The following DMD variants were observed in gnomAD, a reference collection of about 807,000 sequenced individuals.
DMD encodes the protein mutant dystrophin.
Under a neutral mutation model 330.1 loss-of-function variants are expected in DMD, and 63 were observed. That is an observed-to-expected ratio of 0.19 (90% confidence interval 0.16 to 0.24). DMD has a LOEUF of 0.24. Ranked by LOEUF, DMD falls within the 10% of genes least tolerant of loss-of-function variation. DMD has a pLI of 1.00. For synonymous variants in DMD, 1,223 were observed against 959.8 expected (o/e 1.27, Z -5.07); for missense variants, 3,344 against 2,684.1 (o/e 1.25, Z -5.43).
chrX:32,600,925 T>C (rs2149288976), intron 12 of DMD, among the ~76,000 whole-genome samples: 1 of 111,537 alleles, frequency 9.0e-6, no homozygotes, highest in African/African-American at 3.3e-5. Flanking sequence ...AATCCCTAGA[T>C]ACTAATGATC....
At chrX:31,693,553 C>T (rs1325655939) in intron 52 of DMD, among the ~76,000 whole-genome samples, 1 of 111,844 alleles carries the variant, frequency 8.9e-6, no homozygotes, top group Non-Finnish European at 1.9e-5. Flanking sequence ...TGTTAGAATT[C>T]ATACACAAGT....
chrX:32,532,423 A>G (rs2047569488), intron 17 of DMD, among the ~76,000 whole-genome samples: 2 of 112,089 alleles, frequency 1.8e-5, no homozygotes, highest in Admixed American at 9.5e-5. Flanking sequence ...ACAACATAGC[A>G]AGGCGAGGAA....
rs201682493 is a variant in DMD at position 32,806,335 on chromosome X, AAC to A, written c.649+3156_649+3157del. The stretch of plus-strand genomic sequence containing the variant: ...TTTAAACTAACAAAGATTTAAAAAA[AAC>A]AAAAAAAGACAAAGAAGGGCATTAC... On this transcript the variant is annotated intron_variant, in intron 7 of 78. Transcript: ENST00000357033. Among the ~76,000 whole-genome samples the A allele has an allele frequency of 2.3e-3, 260 of 111,152 alleles. 1 individual carries two copies. Among genetic ancestry groups the A allele is most frequent in the Middle Eastern group, 4.6e-3 (1 of 216 alleles).
intron 16 of DMD, among the ~76,000 whole-genome samples, chrX:32,561,948 A>AAAG (rs2149072237): frequency 8.9e-6 from 1 of 111,799 alleles, no homozygotes; most frequent in East Asian, 2.8e-4. Flanking sequence ...AGTAAGCTTC[A>AAAG]TAAGTGAAGG....
chrX:32,382,357 A>G (rs2097929928), intron 33 of DMD, among the ~76,000 whole-genome samples: 1 of 51,185 alleles, frequency 2.0e-5, no homozygotes, highest in Non-Finnish European at 3.2e-5. Flanking sequence ...TATGTCATAT[A>G]TATGTGTGTG....
At chrX:32,188,460 T>C (rs1285770454) in intron 44 of DMD, among the ~76,000 whole-genome samples, 1 of 101,986 alleles carries the variant, frequency 9.8e-6, no homozygotes, top group Non-Finnish European at 2.0e-5. Context: ...AGTAGGGCGT[T>C]TTTTTGGTCT....
At chrX:31,196,525 T>G (rs1343421523) in intron 67 of DMD, among the ~76,000 whole-genome samples, 1 of 110,743 alleles carries the variant, frequency 9.0e-6, no homozygotes, top group African/African-American at 3.3e-5. Flanking sequence ...ATGGAAAATC[T>G]ATTAATAAAA....
chrX:32,522,066 C>T (rs2046480216), intron 17 of DMD, among the ~76,000 whole-genome samples: 1 of 111,908 alleles, frequency 8.9e-6, no homozygotes, highest in African/African-American at 3.3e-5. Flanking sequence ...AAATGGGAGA[C>T]ATAAATTTCT....
At chrX:32,381,876 T>C (rs1036311893) in intron 33 of DMD, among the ~76,000 whole-genome samples, 1 of 110,758 alleles carries the variant, frequency 9.0e-6, no homozygotes, top group African/African-American at 3.3e-5. Context: ...AACAGCATGA[T>C]GGAATGTAAG....
intron 34 of DMD, among the ~76,000 whole-genome samples, chrX:32,366,254 T>C (rs2097854186): frequency 8.9e-6 from 1 of 112,098 alleles, no homozygotes; most frequent in South Asian, 3.7e-4. Flanking sequence ...ATGTGGCCAC[T>C]CGGCATTCCA....
intron 15 of DMD, among the ~76,000 whole-genome samples, chrX:32,567,107 A>G (rs1007037405): frequency 9.0e-6 from 1 of 111,544 alleles, no homozygotes; most frequent in African/African-American, 3.3e-5. Context: ...TTGGCATGGC[A>G]CCTGCATTGA....
chrX:32,554,913 GAAA>G (rs2050083889), intron 16 of DMD, among the ~76,000 whole-genome samples: 1 of 44,329 alleles, frequency 2.3e-5, no homozygotes, highest in Non-Finnish European at 4.3e-5. Flanking sequence ...AAGAAAGAAA[GAAA>G]GAAAGAAAGA....
chrX:31,999,728 A>C (rs1045109516), intron 44 of DMD, among the ~76,000 whole-genome samples: 2 of 111,792 alleles, frequency 1.8e-5, no homozygotes, highest in Non-Finnish European at 3.8e-5. Flanking sequence ...GGTGTTCCAT[A>C]TTATACTGTG....
intron 44 of DMD, among the ~76,000 whole-genome samples, chrX:32,186,286 T>A (rs758571355): frequency 9.0e-6 from 1 of 111,518 alleles, no homozygotes; most frequent in African/African-American, 3.2e-5. Flanking sequence ...TTTCAGTCCA[T>A]CTTTTCTTAA....
intron 63 of DMD, among the ~76,000 whole-genome samples, chrX:31,239,466 C>G (rs1161974990): frequency 9.0e-6 from 1 of 111,599 alleles, no homozygotes; most frequent in Non-Finnish European, 1.9e-5. Flanking sequence ...TCTGAATTCC[C>G]TAGTCAGCTA....
chrX:32,893,524 G>A (rs1404715697), intron 2 of DMD, among the ~76,000 whole-genome samples: 1 of 111,935 alleles, frequency 8.9e-6, no homozygotes, highest in Non-Finnish European at 1.9e-5. Flanking sequence ...TTCCTCCTCA[G>A]TAATTTACTC....
intron 55 of DMD, among the ~76,000 whole-genome samples, chrX:31,554,447 G>A: frequency 9.0e-6 from 1 of 111,157 alleles, no homozygotes; most frequent in Non-Finnish European, 1.9e-5. Context: ...ATCTGTACTA[G>A]CTGGTATCTG....
At chrX:31,454,359 C>G (rs912254120) in intron 59 of DMD, among the ~76,000 whole-genome samples, 3 of 111,711 alleles carry the variant, frequency 2.7e-5, no homozygotes, top group African/African-American at 9.8e-5. Context: ...CCAGGCTGGT[C>G]TTGAACTCCT....
At chrX:31,383,990 C>T (rs1347255916) in intron 60 of DMD, among the ~76,000 whole-genome samples, 1 of 112,099 alleles carries the variant, frequency 8.9e-6, no homozygotes, top group Admixed American at 9.4e-5. Flanking sequence ...AGAAGGCTGT[C>T]ACACTGACCC....
Sources: allele counts gnomAD v4.1 joint callset (sites outside exome capture counted in the v4.1 genomes callset), GRCh38; gene constraint gnomAD v4.1.1; transcripts MANE v1.5; gene names NCBI Gene and HGNC (gene_info 2026-07-23, HGNC 2026-07-21).